The following TBL1XR1 variants were observed in gnomAD, a reference collection of about 807,000 sequenced individuals.
The protein encoded by TBL1XR1 is F-box-like/WD repeat-containing protein TBL1XR1.
Under a neutral mutation model 66.9 loss-of-function variants are expected in TBL1XR1, and 5 were observed. The observed-to-expected ratio is 0.07, with a 90% confidence interval of 0.04 to 0.16. TBL1XR1 has a LOEUF of 0.16. Among genes scored for constraint, TBL1XR1 ranks in the 10% least tolerant of loss-of-function variants. The pLI is 1.00. For missense variants in TBL1XR1, 238 were observed against 623.2 expected, an observed-to-expected ratio of 0.38 and a Z score of 6.58; for synonymous variants, 210 against 206.0, an observed-to-expected ratio of 1.02 and a Z score of -0.17.
At chr3:177,048,360 A>G (rs1040656584) in intron 7 of TBL1XR1, among the ~76,000 whole-genome samples, 5 of 152,244 alleles carry the variant, frequency 3.3e-5, no homozygotes, top group African/African-American at 1.2e-4. Context: ...ACATTACTGG[A>G]GAATGAAATC....
chr3:177,119,445 G>C (rs1270899382), intron 1 of TBL1XR1, among the ~76,000 whole-genome samples: 5 of 152,034 alleles, frequency 3.3e-5, no homozygotes, highest in African/African-American at 1.2e-4. Flanking sequence ...GGCTTCTTTT[G>C]ATTTTGTTTA....
chr3:177,099,967 C>A (rs1723987174), intron 1 of TBL1XR1, among the ~76,000 whole-genome samples: 1 of 152,220 alleles, frequency 6.6e-6, no homozygotes, highest in Non-Finnish European at 1.5e-5. Context: ...AGAAGTCAGG[C>A]ACAGAGACTC....
chr3:177,050,398 A>C (rs1716899241), intron 6 of TBL1XR1, 80 bp downstream of exon 6: 2 of 1,512,144 alleles, frequency 1.3e-6, no homozygotes, highest in African/African-American at 2.8e-5. Flanking sequence ...CAACAACAGA[A>C]AACCTGAATA....
chr3:177,095,487 G>A (rs896254494), intron 2 of TBL1XR1, among the ~76,000 whole-genome samples: 1 of 133,286 alleles, frequency 7.5e-6, no homozygotes, highest in African/African-American at 2.9e-5. Flanking sequence ...GATTAAAGGT[G>A]CAATTAGATT....
intron 10 of TBL1XR1, among the ~76,000 whole-genome samples, chr3:177,043,438 G>C (rs1386028291): frequency 1.3e-5 from 2 of 152,048 alleles, no homozygotes. Flanking sequence ...TCTGAGCTTT[G>C]AAATCTAGTT....
At chr3:177,038,707 C>T (rs80079537) in intron 10 of TBL1XR1, among the ~76,000 whole-genome samples, 1 of 152,154 alleles carries the variant, frequency 6.6e-6, no homozygotes. Flanking sequence ...TGAGAGCTGG[C>T]TCTGTGGGTC....
intron 2 of TBL1XR1, among the ~76,000 whole-genome samples, chr3:177,066,105 A>G (rs1362233246): frequency 6.6e-6 from 1 of 152,154 alleles, no homozygotes; most frequent in African/African-American, 2.4e-5. Context: ...ACGTGGAACT[A>G]TGCTGGTTGT....
intron 2 of TBL1XR1, among the ~76,000 whole-genome samples, chr3:177,088,419 C>G (rs1722421366): frequency 6.6e-6 from 1 of 152,138 alleles, no homozygotes; most frequent in Non-Finnish European, 1.5e-5. Flanking sequence ...CGTGTTTAGA[C>G]TTGGATCCTA....
At position 177,130,356 on chromosome 3, in the gene TBL1XR1, T is replaced by C. The variant is rs372672004; in HGVS notation, c.-121-31815A>G. ...GGGGCCTGGTAAAATTATAATAAAG[T>C]ATTATTCAGTCAAAAACAACAACAA... is the stretch of plus-strand genomic sequence containing the variant. On this transcript the variant is annotated intron_variant, in intron 1 of 15. Transcript: ENST00000457928. Among the ~76,000 whole-genome samples the C allele has an allele frequency of 2.6e-5, 4 of 152,034 alleles. No individual in the cohort carries two copies. The East Asian group carries it at 5.8e-4, about 22-fold the overall frequency.
At chr3:177,176,257 C>T (rs1250509477) in intron 1 of TBL1XR1, among the ~76,000 whole-genome samples, 3 of 151,600 alleles carry the variant, frequency 2.0e-5, no homozygotes, top group Non-Finnish European at 4.4e-5. Context: ...TGCAGTGGTG[C>T]GATCTCGGCT....
At chr3:177,151,344 T>C (rs548085725) in intron 1 of TBL1XR1, among the ~76,000 whole-genome samples, 1 of 151,790 alleles carries the variant, frequency 6.6e-6, no homozygotes, top group South Asian at 2.1e-4. Flanking sequence ...ATGATGGGGG[T>C]CCCCAACCCC....
At chr3:177,106,769 G>C (rs540867955) in intron 1 of TBL1XR1, among the ~76,000 whole-genome samples, 1 of 152,172 alleles carries the variant, frequency 6.6e-6, no homozygotes, top group Non-Finnish European at 1.5e-5. Flanking sequence ...GCTTGGCCTG[G>C]ATTTCAGTGC....
chr3:177,116,269 T>G (rs1422673900), intron 1 of TBL1XR1, among the ~76,000 whole-genome samples: 1 of 152,148 alleles, frequency 6.6e-6, no homozygotes, highest in Non-Finnish European at 1.5e-5. Context: ...CACCCCAAAC[T>G]TGTTCCTCTT....
chr3:177,098,940 C>CA (rs1341147677), intron 1 of TBL1XR1, among the ~76,000 whole-genome samples: 1 of 152,094 alleles, frequency 6.6e-6, no homozygotes, highest in Non-Finnish European at 1.5e-5. Flanking sequence ...AGAAATATAT[C>CA]ATTGGTTTAG....
chr3:177,197,563 C>CGCGGCGGCGGCGGCG (rs550182398), upstream of TBL1XR1, among the ~76,000 whole-genome samples: 5 of 144,362 alleles, frequency 3.5e-5, no homozygotes, highest in South Asian at 2.1e-4. Flanking sequence ...TCGCGAGGCC[C>CGCGGCGGCGGCGGCG]GCGGCGGCGG....
intron 1 of TBL1XR1, among the ~76,000 whole-genome samples, chr3:177,106,200 C>A (rs1285728682): frequency 6.6e-6 from 1 of 152,040 alleles, no homozygotes; most frequent in African/African-American, 2.4e-5. Context: ...AAATGAGCCT[C>A]AGCTATGTGT....
chr3:177,051,759 CA>C (rs773342478), intron 4 of TBL1XR1, 33 bp from the exon 5 acceptor site: 1 of 1,490,656 alleles, frequency 6.7e-7, no homozygotes, highest in Non-Finnish European at 9.0e-7. Context: ...GAAGAAAAAT[CA>C]AAGGCAATAT....
chr3:177,090,795 G>A (rs910076396), intron 2 of TBL1XR1, among the ~76,000 whole-genome samples: 1 of 152,020 alleles, frequency 6.6e-6, no homozygotes, highest in South Asian at 2.1e-4. Context: ...GGGCGACAGA[G>A]CGAGACTCCG....
intron 5 of TBL1XR1, 48 bp downstream of exon 5, chr3:177,051,456 T>C (rs970728224): frequency 6.6e-7 from 1 of 1,510,792 alleles, no homozygotes. Context: ...TTTAAAAAAA[T>C]AAATAAATAA....
Sources: allele counts gnomAD v4.1 joint callset (sites outside exome capture counted in the v4.1 genomes callset), GRCh38; gene constraint gnomAD v4.1.1; transcripts MANE v1.5; gene names NCBI Gene and HGNC (gene_info 2026-07-23, HGNC 2026-07-21).